DOCK3: variants seen among roughly 807,000 people sequenced by gnomAD.
The protein encoded by DOCK3 is dedicator of cytokinesis 3, also known as dedicator of cytokinesis protein 3.
DOCK3 carries 60 observed loss-of-function variants against 265.6 expected under a neutral mutation model. The observed-to-expected ratio is 0.23, with a 90% CI of 0.18 to 0.28. The LOEUF (loss-of-function observed/expected upper bound fraction) is 0.28, where lower values mean the gene tolerates loss of function less well. Ranked by LOEUF, DOCK3 falls within the 10% of genes least tolerant of loss-of-function variation. The pLI is 1.00. For missense variants in DOCK3, 1,981 were observed against 2,594.3 expected, an observed-to-expected ratio of 0.76 and a Z score of 5.14; for synonymous variants, 881 against 938.0, an observed-to-expected ratio of 0.94 and a Z score of 1.11.
chr3:51,357,026 C>T lies in DOCK3; in HGVS notation c.4568C>T (p.Ser1523Phe). ...VVENKNQELR[S>F]LISQYQHKQV... ...GAGAATAAGAACCAGGAGCTACGCT[C>T]CCTGATCAGCCAGTATCAACACAAG... Residue 1523 changes from serine (S) to phenylalanine (F), a missense_variant, in exon 44 of 53, where the codon TCC (serine) becomes TTC (phenylalanine). Physicochemically the swap from Ser to Phe is radical, Grantham distance 155 (BLOSUM62 -2). This residue lies in a region of DOCK3 where 1,357 missense variants were observed against 1,866.8 expected (regional missense o/e 0.73). Coordinates refer to ENST00000266037, the MANE Select transcript of DOCK3 (RefSeq NM_004947.5). 1 of 1,613,460 alleles carries T rather than the reference C, an allele frequency of 6.2e-7. No individual in the cohort carries two copies.
intron 9 of DOCK3, among the ~76,000 whole-genome samples, chr3:51,121,005 C>T (rs1445087145): frequency 6.6e-6 from 1 of 152,136 alleles, no homozygotes; most frequent in East Asian, 1.9e-4. Context: ...TCAGGCACCA[C>T]TGGGGTATGG....
At position 51,275,133 on chromosome 3, in the gene DOCK3, G is replaced by A; in HGVS notation, c.2603G>A (p.Arg868Lys). The A allele has an allele frequency of 6.2e-7, 1 of 1,613,958 alleles. No homozygotes were observed. Among genetic ancestry groups the A allele is most frequent in the Non-Finnish European group, 8.5e-7 (1 of 1,179,874 alleles). ...CTCCATCACATTCACCTTCACCTGAGGCAGCAGAAAGAGCTGCTAATTTGC... is the reference window on the plus strand; with the variant it reads ...CTCCATCACATTCACCTTCACCTGAAGCAGCAGAAAGAGCTGCTAATTTGC... ...VVLHHIHLHLRQQKELLICSG... is the reference protein window; with the variant it reads ...VVLHHIHLHLKQQKELLICSG... The change falls in exon 25 of 53, where the codon AGG becomes AAG. Residue 868 changes from arginine to lysine, a missense_variant. By Grantham distance (26) the Arg-to-Lys change is conservative. This residue lies in a region of DOCK3 where 1,357 missense variants were observed against 1,866.8 expected (regional missense o/e 0.73). Coordinates refer to ENST00000266037, the MANE Select transcript of DOCK3 (RefSeq NM_004947.5).
intron 9 of DOCK3, among the ~76,000 whole-genome samples, chr3:51,104,220 A>G (rs984867305): frequency 6.6e-6 from 1 of 152,242 alleles, no homozygotes; most frequent in Admixed American, 6.5e-5. Flanking sequence ...GCCTGAGGAC[A>G]GCAAGGATAC....
At chr3:51,355,417 C>T (rs1035915560) in intron 41 of DOCK3, among the ~76,000 whole-genome samples, 3 of 152,198 alleles carry the variant, frequency 2.0e-5, no homozygotes, top group African/African-American at 7.2e-5. Flanking sequence ...GTGCCCTGCT[C>T]CACTCCCATG....
chr3:50,743,241 G>T (rs1667422293), intron 1 of DOCK3, among the ~76,000 whole-genome samples: 1 of 151,890 alleles, frequency 6.6e-6, no homozygotes, highest in South Asian at 2.1e-4. Context: ...GCAAAATCGT[G>T]CCAAATTGTA....
At chr3:50,948,834 G>A (rs570458927) in intron 5 of DOCK3, among the ~76,000 whole-genome samples, 1 of 152,220 alleles carries the variant, frequency 6.6e-6, no homozygotes, top group East Asian at 1.9e-4. Context: ...AAAAAACTCA[G>A]AAGAACAAAG....
intron 1 of DOCK3, among the ~76,000 whole-genome samples, chr3:50,683,731 A>G (rs2034573615): frequency 6.6e-6 from 1 of 151,890 alleles, no homozygotes; most frequent in Non-Finnish European, 1.5e-5. Context: ...TGTTAACTTC[A>G]TTTTCATCTT....
intron 1 of DOCK3, among the ~76,000 whole-genome samples, chr3:50,734,005 A>G (rs1458706411): frequency 6.6e-6 from 1 of 152,180 alleles, no homozygotes; most frequent in African/African-American, 2.4e-5. Context: ...TGTGACTGTA[A>G]CTAATAACAA....
intron 2 of DOCK3, among the ~76,000 whole-genome samples, chr3:50,810,885 T>C (rs900124834): frequency 2.6e-5 from 4 of 152,286 alleles, no homozygotes; most frequent in East Asian, 3.9e-4. Context: ...TATATCTGGA[T>C]GAAATATGGG....
chr3:51,178,929 G>A (rs976292727), intron 12 of DOCK3, among the ~76,000 whole-genome samples: 2 of 152,194 alleles, frequency 1.3e-5, no homozygotes, highest in African/African-American at 4.8e-5. Flanking sequence ...TTTTACAGAT[G>A]AGGAAACAAG....
intron 48 of DOCK3, 115 bp downstream of exon 48, chr3:51,362,112 A>T (rs1157702728): frequency 3.0e-6 from 4 of 1,325,226 alleles, no homozygotes; most frequent in Non-Finnish European, 4.1e-6. Context: ...TAGCTCCTGA[A>T]TTCAGAACAC....
Position 50,934,015 on chromosome 3 carries a change from A to C in DOCK3, c.253A>C (p.Ile85Leu), listed in dbSNP as rs760287967. Residue 85 changes from isoleucine (I) to leucine (L), a missense_variant, in exon 5 of 53, where the codon ATT becomes CTT. Transcript: ENST00000266037. ...YETVVPLEDS[I>L]VTEVTATLQE... ...AACTGTGGTTCCACTTGAAGATTCT[A>C]TTGTGACTGAGGTTACAGCAACTCT... 6.2e-7 allele frequency: 1 copy of C among 1,610,408 alleles called. No individual in the cohort carries two copies. The highest frequency in any genetic ancestry group is 2.2e-5 in the East Asian group (1 of 44,800).
At chr3:50,814,617 A>G (rs2043962801) in intron 2 of DOCK3, among the ~76,000 whole-genome samples, 1 of 152,048 alleles carries the variant, frequency 6.6e-6, no homozygotes, top group Non-Finnish European at 1.5e-5. Flanking sequence ...TTTGCTCACT[A>G]ATGTTTCTTT....
At chr3:51,288,500 C>T (rs2081542233) in intron 27 of DOCK3, among the ~76,000 whole-genome samples, 1 of 151,918 alleles carries the variant, frequency 6.6e-6, no homozygotes, top group South Asian at 2.1e-4. Flanking sequence ...AGGTACTGTG[C>T]TTATTGCTGG....
intron 12 of DOCK3, among the ~76,000 whole-genome samples, chr3:51,176,592 C>T (rs913529677): frequency 2.4e-4 from 37 of 152,130 alleles, no homozygotes; most frequent in Admixed American, 2.4e-3. Flanking sequence ...CTCCACTGCA[C>T]TCCAGCCTGG....
intron 5 of DOCK3, among the ~76,000 whole-genome samples, chr3:50,969,009 T>C (rs1449102048): frequency 6.6e-6 from 1 of 152,112 alleles, no homozygotes; most frequent in Non-Finnish European, 1.5e-5. Context: ...TGGCCTGGAG[T>C]CCAATTTAAG....
At chr3:50,769,408 A>G (rs2041129138) in intron 1 of DOCK3, among the ~76,000 whole-genome samples, 1 of 152,232 alleles carries the variant, frequency 6.6e-6, no homozygotes, top group Non-Finnish European at 1.5e-5. Flanking sequence ...TCCATATATG[A>G]CAAACCCATA....
intron 5 of DOCK3, among the ~76,000 whole-genome samples, chr3:50,957,930 T>G (rs2076773048): frequency 6.6e-6 from 1 of 152,244 alleles, no homozygotes; most frequent in African/African-American, 2.4e-5. Context: ...TATTTTTTTC[T>G]GTTTGAAAAC....
intron 4 of DOCK3, among the ~76,000 whole-genome samples, chr3:50,898,893 C>G (rs1321540247): frequency 6.6e-6 from 1 of 152,116 alleles, no homozygotes; most frequent in African/African-American, 2.4e-5. Context: ...TGTTTTACTT[C>G]CAATTATGTG....
Sources: gnomAD v4.1 joint callset for allele counts (sites outside exome capture counted in the v4.1 genomes callset) on GRCh38, gnomAD v4.1.1 for gene constraint, gnomAD v4.1.1 regional missense constraint, MANE v1.5 for transcripts, NCBI Gene and HGNC (gene_info 2026-07-23, HGNC 2026-07-21) for gene names.